The following CAST variants were observed in gnomAD, a reference collection of about 807,000 sequenced individuals.
CAST encodes MIR583 host.
Under a neutral mutation model 119.6 loss-of-function variants are expected in CAST, and 76 were observed. The observed-to-expected ratio is 0.64, with a 90% CI of 0.53 to 0.77. The LOEUF is 0.77. Ranked by LOEUF, CAST falls within the 30% of genes least tolerant of loss-of-function variation. The pLI is 0.00. For missense variants in CAST, 953 were observed against 946.5 expected (o/e 1.01, Z -0.09); for synonymous variants, 319 against 331.6 (o/e 0.96, Z 0.41).
At chr5:96,532,827 C>T (rs1372740431) in intron 1 of CAST, among the ~76,000 whole-genome samples, 1 of 151,482 alleles carries the variant, frequency 6.6e-6, no homozygotes, top group African/African-American at 2.4e-5. Context: ...TCCAGCCTGA[C>T]AATAAGAGCA....
chr5:95,992,236 G>A, the CAST span, among the ~76,000 whole-genome samples: 2 of 152,276 alleles, frequency 1.3e-5, no homozygotes, highest in African/African-American at 4.8e-5. Flanking sequence ...GGAAAACTCC[G>A]TGTTATTAAA....
intron 1 of CAST, among the ~76,000 whole-genome samples, chr5:96,547,728 G>A (rs1746044802): frequency 6.6e-6 from 1 of 152,200 alleles, no homozygotes; most frequent in African/African-American, 2.4e-5. Context: ...CATTCTCTGA[G>A]ATCCTTTGAC....
intron 1 of CAST, among the ~76,000 whole-genome samples, chr5:96,621,109 A>G (rs1254538991): frequency 6.6e-6 from 1 of 152,188 alleles, no homozygotes; most frequent in African/African-American, 2.4e-5. Context: ...TGCCCTGAAG[A>G]AAGGGGTTAA....
At chr5:96,284,767 A>G in the CAST span, among the ~76,000 whole-genome samples, 92 of 152,224 alleles carry the variant, frequency 6.0e-4, 1 homozygote, top group Non-Finnish European at 4.1e-4. Flanking sequence ...GGGCAATTTA[A>G]TATAGGAAAG....
chr5:95,989,745 A>C, the CAST span, among the ~76,000 whole-genome samples: 3 of 152,186 alleles, frequency 2.0e-5, no homozygotes, highest in Non-Finnish European at 4.4e-5. Flanking sequence ...AGGTAAGTTA[A>C]AGATCATTAT....
the CAST span, among the ~76,000 whole-genome samples, chr5:96,142,712 C>G: frequency 6.6e-6 from 1 of 152,124 alleles, no homozygotes; most frequent in Non-Finnish European, 1.5e-5. Context: ...GGTGGAGGTG[C>G]AGTGGGAAAA....
At chr5:96,217,134 A>C in the CAST span, among the ~76,000 whole-genome samples, 5 of 151,038 alleles carry the variant, frequency 3.3e-5, 1 homozygote, top group South Asian at 1.0e-3. Context: ...GAACTCCTGG[A>C]CTCAAGTGAT....
the CAST span, among the ~76,000 whole-genome samples, chr5:96,517,808 T>C: frequency 6.6e-6 from 1 of 152,250 alleles, no homozygotes; most frequent in Non-Finnish European, 1.5e-5. Context: ...GCATCTACCA[T>C]TGTTATAATA....
At chr5:96,640,080 T>A (rs1747932539) in intron 1 of CAST, among the ~76,000 whole-genome samples, 1 of 152,232 alleles carries the variant, frequency 6.6e-6, no homozygotes, top group African/African-American at 2.4e-5. Context: ...AGAGCCTTTT[T>A]TCTCATGTGA....
intron 1 of CAST, among the ~76,000 whole-genome samples, chr5:96,624,234 G>T (rs1043636591): frequency 1.3e-5 from 2 of 152,162 alleles, no homozygotes; most frequent in African/African-American, 2.4e-5. Context: ...GTTTGCTTTT[G>T]GTTTTGTCTA....
At chr5:96,304,079 G>C in the CAST span, among the ~76,000 whole-genome samples, 1 of 152,114 alleles carries the variant, frequency 6.6e-6, no homozygotes, top group African/African-American at 2.4e-5. Flanking sequence ...GTGTAAAAGC[G>C]TTCCTATTTC....
the CAST span, among the ~76,000 whole-genome samples, chr5:96,333,805 C>T: frequency 6.6e-6 from 1 of 152,156 alleles, no homozygotes; most frequent in East Asian, 1.9e-4. Context: ...CAGGCTGAAG[C>T]TCTGCTAAGC....
At chr5:96,161,813 A>G in the CAST span, among the ~76,000 whole-genome samples, 1 of 152,164 alleles carries the variant, frequency 6.6e-6, no homozygotes, top group Non-Finnish European at 1.5e-5. Context: ...TAGTGTTTGA[A>G]GTGCAAATCT....
the CAST span, among the ~76,000 whole-genome samples, chr5:96,340,876 C>T: frequency 6.6e-6 from 1 of 152,310 alleles, no homozygotes; most frequent in Admixed American, 6.5e-5. Flanking sequence ...AGTCTATATA[C>T]TGAACTTATG....
chr5:96,538,889 A>G (rs1385467849), intron 1 of CAST, among the ~76,000 whole-genome samples: 1 of 92,712 alleles, frequency 1.1e-5, no homozygotes, highest in East Asian at 7.5e-4. Context: ...TCAATATCAA[A>G]TGACTCAGAG....
At chr5:96,354,372 C>T in the CAST span, among the ~76,000 whole-genome samples, 2 of 152,168 alleles carry the variant, frequency 1.3e-5, no homozygotes, top group African/African-American at 4.8e-5. Flanking sequence ...TTACCACCCT[C>T]ACCACCCCAT....
the CAST span, among the ~76,000 whole-genome samples, chr5:96,165,420 G>T: frequency 1.3e-5 from 2 of 152,112 alleles, no homozygotes; most frequent in African/African-American, 4.8e-5. Context: ...AGAATCCACT[G>T]TATTTGTGCT....
chr5:96,096,043 C>T, the CAST span, among the ~76,000 whole-genome samples: 1 of 152,170 alleles, frequency 6.6e-6, no homozygotes, highest in Non-Finnish European at 1.5e-5. Flanking sequence ...TTATGTGGTA[C>T]TCAGGCCACA....
intron 3 of CAST, 97 bp from the exon 4 acceptor site, chr5:96,722,542 A>G (rs1298766342): frequency 1.2e-5 from 11 of 905,502 alleles, no homozygotes; most frequent in Non-Finnish European, 2.0e-5. Context: ...AAACCAAGGT[A>G]AAGGGCCAAG....
Sources: gnomAD v4.1 joint callset for allele counts (sites outside exome capture counted in the v4.1 genomes callset) on GRCh38, gnomAD v4.1.1 for gene constraint, MANE v1.5 for transcripts, NCBI Gene and HGNC (gene_info 2026-07-23, HGNC 2026-07-21) for gene names.